The following ACP7 variants were observed in gnomAD, a reference collection of about 807,000 sequenced individuals.
ACP7 encodes acid phosphatase 7, tartrate resistant (putative).
ACP7 carries 58 observed loss-of-function variants against 60.6 expected under a neutral mutation model. The ratio of observed to expected loss-of-function variants is 0.96; its 90% CI spans 0.77 to 1.19. The LOEUF (loss-of-function observed/expected upper bound fraction) is 1.19. Ranked by LOEUF, ACP7 falls within the 50% of genes most tolerant of loss-of-function variation. ACP7 has a pLI of 0.00. For synonymous variants in ACP7, 237 were observed against 232.6 expected, an observed-to-expected ratio of 1.02 and a Z score of -0.17; for missense variants, 574 against 596.2, an observed-to-expected ratio of 0.96 and a Z score of 0.39.
chr19:39,099,173 C>G (rs1734255), intron 4 of ACP7, 31 bp downstream of exon 4: 1 of 1,360,118 alleles, frequency 7.4e-7, no homozygotes. Context: ...CGCGCAGGGA[C>G]GGTGGGGGGC....
chr19:39,096,945 GCA>G (rs1253976201), intron 2 of ACP7, among the ~76,000 whole-genome samples: 10 of 152,142 alleles, frequency 6.6e-5, no homozygotes, highest in Non-Finnish European at 1.5e-4. Flanking sequence ...GGGACTACAG[GCA>G]CATGCCACCA....
chr19:39,102,743 C>CTTTCTTTCTTTG (rs1261583268), intron 11 of ACP7, among the ~76,000 whole-genome samples: 1 of 82,532 alleles, frequency 1.2e-5, no homozygotes, highest in Non-Finnish European at 2.6e-5. Context: ...TTCTTTCTTT[C>CTTTCTTTCTTTG]TTTCTTTCTT....
chr19:39,096,876 A>C (rs894725946), intron 2 of ACP7, among the ~76,000 whole-genome samples: 10 of 152,054 alleles, frequency 6.6e-5, no homozygotes, highest in Non-Finnish European at 1.5e-4. Context: ...CTCTTGGCTC[A>C]CGGCAACCTC....
chr19:39,086,924 T>C (rs1027518579), intron 2 of ACP7, among the ~76,000 whole-genome samples: 1 of 152,208 alleles, frequency 6.6e-6, no homozygotes, highest in Admixed American at 6.5e-5. Context: ...ATGTATATGA[T>C]ATTTTTAAGG....
intron 2 of ACP7, among the ~76,000 whole-genome samples, chr19:39,097,847 A>G (rs1157290271): frequency 1.3e-5 from 2 of 152,132 alleles, no homozygotes; most frequent in Non-Finnish European, 2.9e-5. Flanking sequence ...CTTTATTTAT[A>G]TTTATTCATC....
chr19:39,098,832 C>A (rs1040325537), intron 3 of ACP7, 128 bp from the exon 4 acceptor site: 2 of 1,406,370 alleles, frequency 1.4e-6, no homozygotes, highest in Admixed American at 2.3e-5. Flanking sequence ...GAAGGCAGAC[C>A]GAAGGGGCAT....
chr19:39,098,194 C>T (rs1010253387), intron 2 of ACP7, among the ~76,000 whole-genome samples: 2 of 129,450 alleles, frequency 1.5e-5, no homozygotes, highest in African/African-American at 5.9e-5. Flanking sequence ...GCAGAGATTG[C>T]AGTAAGCTGA....
chr19:39,099,865 T>C lies in ACP7; in HGVS notation c.506-362T>C, dbSNP rs1179248740. The stretch of plus-strand genomic sequence containing the variant: ...AAAATTAGCCAGGTGTGGTGGCAAG[T>C]GTCTGTAATCCCAGCTGCTTGGGAG... On this transcript the variant is annotated intron_variant, in intron 4 of 12. Transcript: ENST00000331256. Among the ~76,000 whole-genome samples, 7 of 151,478 alleles carry C rather than the reference T, an allele frequency of 4.6e-5. No individual in the cohort carries two copies. In the East Asian group the frequency reaches 1.2e-3, roughly 25 times the overall value.
chr19:39,098,275 A>AAAAAG (rs953000401), intron 2 of ACP7, among the ~76,000 whole-genome samples, 183 bp from the exon 3 acceptor site: 1,642 of 126,388 alleles, frequency 0.013, 49 homozygotes, highest in Middle Eastern at 0.016. Flanking sequence ...AAAAAAAAAA[A>AAAAAG]AAAAGAAAAG....
chr19:39,098,511 GA>G lies in ACP7; in HGVS notation c.177del (p.Val60CysfsTer141). On this transcript the variant is annotated frameshift_variant, in exon 3 of 13. Coordinates refer to ENST00000331256, the MANE Select transcript of ACP7 (RefSeq NM_001004318.3). LOFTEE classifies it high-confidence loss of function. ...TWTTWVPTRSEVQFGLQPSGP... is the reference protein window; with the variant it reads ...TWTTWVPTRSXVQFGLQPSGP... ...GACCACATGGGTCCCAACCCGCTCTGAAGTGCAATTCGGGTTGCAGCCGTCG... is the reference window on the plus strand; with the variant it reads ...GACCACATGGGTCCCAACCCGCTCTGAGTGCAATTCGGGTTGCAGCCGTCG... 2 of 1,609,260 alleles carry G rather than the reference GA, an allele frequency of 1.2e-6. No individual in the cohort carries two copies. The highest frequency in any genetic ancestry group is 4.5e-5 in the East Asian group (2 of 44,800).
At chr19:39,095,668 G>C (rs548689241) in intron 2 of ACP7, among the ~76,000 whole-genome samples, 1 of 152,370 alleles carries the variant, frequency 6.6e-6, no homozygotes, top group Non-Finnish European at 1.5e-5. Flanking sequence ...TGGTAACCCA[G>C]TAGGGACTCT....
At chr19:39,090,553 G>A (rs548813344) in intron 2 of ACP7, among the ~76,000 whole-genome samples, 69 of 152,172 alleles carry the variant, frequency 4.5e-4, no homozygotes, top group Non-Finnish European at 3.8e-4. Context: ...CGCGATCTCA[G>A]CTCATTGCAA....
At chr19:39,103,251 T>C (rs1407883457) in intron 11 of ACP7, among the ~76,000 whole-genome samples, 4 of 151,698 alleles carry the variant, frequency 2.6e-5, no homozygotes, top group Admixed American at 2.6e-4. Flanking sequence ...TTCAGTTGGT[T>C]AATTGTTTAT....
Position 39,099,016 on chromosome 19 carries a change from A to G in ACP7, c.379A>G (p.Lys127Glu). Residue 127 changes from lysine to glutamate, a missense_variant, in exon 4 of 13, where the codon AAG becomes GAG. Lys to Glu is a moderately conservative substitution (Grantham distance 56, BLOSUM62 1). Coordinates refer to ENST00000331256, the MANE Select transcript of ACP7 (RefSeq NM_001004318.3). ...CCGTCGGTTCCGCTTCAGGGCCCTC[A>G]AGAATGGGGCCCACTGGAGTCCCCG... ...WSRRFRFRAL[K>E]NGAHWSPRLA... is the part of the protein sequence containing the mutation. 1 of 1,613,708 alleles carries G rather than the reference A, an allele frequency of 6.2e-7. No individual in the cohort carries two copies. The highest frequency in any genetic ancestry group is 8.5e-7 in the Non-Finnish European group (1 of 1,179,906).
chr19:39,098,703 G>A (rs770347631), intron 3 of ACP7, 45 bp downstream of exon 3: 17 of 1,555,044 alleles, frequency 1.1e-5, no homozygotes, highest in Non-Finnish European at 1.5e-5. Flanking sequence ...AGTGGGAAGA[G>A]GAGTGGGATG....
In ACP7 at chr19:39,106,948, G is replaced by T. The variant is rs1025227369; in HGVS notation, c.1115G>T (p.Gly372Val). The T allele has an allele frequency of 6.2e-7, 1 of 1,613,710 alleles. No homozygotes were observed. The highest frequency in any genetic ancestry group is 8.5e-7 in the Non-Finnish European group (1 of 1,179,940). The change falls in exon 12 of 13, where the codon GGC becomes GTC. Residue 372 changes from glycine (G) to valine (V), a missense_variant and splice_region_variant. Coordinates refer to ENST00000331256, the MANE Select transcript of ACP7 (RefSeq NM_001004318.3). Reference sequence around the variant, plus strand: ...TCTGATCAGTTCTCCCCGCCCCAGGGCTGTGAGGAGCGGCTGACGCCCTTT... The same window carrying T: ...TCTGATCAGTTCTCCCCGCCCCAGGTCTGTGAGGAGCGGCTGACGCCCTTT... ...GPVHIITGSA[G>V]CEERLTPFAV... is the part of the protein sequence containing the mutation.
intron 11 of ACP7, among the ~76,000 whole-genome samples, chr19:39,102,643 AC>A (rs1170206865): frequency 6.6e-6 from 1 of 151,430 alleles, no homozygotes; most frequent in Non-Finnish European, 1.5e-5. Flanking sequence ...TCAAACTTTC[AC>A]CCTCTTATTT....
chr19:39,107,557 C>G (rs1419963209), intron 12 of ACP7, among the ~76,000 whole-genome samples: 1 of 127,990 alleles, frequency 7.8e-6, no homozygotes, highest in Non-Finnish European at 1.6e-5. Flanking sequence ...CCAGCCTGGG[C>G]GACTGAGCAA....
chr19:39,098,253 C>CAAAAAAAAAAAAA (rs59373149), intron 2 of ACP7, among the ~76,000 whole-genome samples: 9 of 64,952 alleles, frequency 1.4e-4, no homozygotes, highest in Admixed American at 4.4e-4. Flanking sequence ...GACCCTGACT[C>CAAAAAAAAAAAAA]AAAAAAAAAA....
Sources: allele counts gnomAD v4.1 joint callset (sites outside exome capture counted in the v4.1 genomes callset), GRCh38; gene constraint gnomAD v4.1.1; transcripts MANE v1.5; gene names NCBI Gene and HGNC (gene_info 2026-07-23, HGNC 2026-07-21).